GNA14: variants seen among roughly 807,000 people sequenced by gnomAD.
The protein encoded by GNA14 is guanine nucleotide-binding protein subunit alpha-14.
A neutral mutation model predicts 42.0 loss-of-function variants in GNA14; 50 were observed. The observed-to-expected ratio is 1.19, with a 90% CI of 0.95 to 1.51. The LOEUF (loss-of-function observed/expected upper bound fraction) is 1.51, where lower values mean the gene tolerates loss of function less well. GNA14 is among the 40% of genes most tolerant of loss of function. The pLI is 0.00. For missense variants in GNA14, 473 were observed against 446.2 expected (o/e 1.06, Z -0.54); for synonymous variants, 173 against 163.1 (o/e 1.06, Z -0.46).
At chr9:77,645,755 G>A (rs1320068121) in intron 1 of GNA14, among the ~76,000 whole-genome samples, 1 of 152,146 alleles carries the variant, frequency 6.6e-6, no homozygotes, top group African/African-American at 2.4e-5. Flanking sequence ...CAGCTCAGCT[G>A]ACTACACAAT....
intron 2 of GNA14, among the ~76,000 whole-genome samples, chr9:77,448,875 G>A (rs1004910139): frequency 6.6e-6 from 1 of 152,188 alleles, no homozygotes; most frequent in Non-Finnish European, 1.5e-5. Flanking sequence ...TAAAAAGCAA[G>A]AGAATCCCAC....
intron 1 of GNA14, among the ~76,000 whole-genome samples, chr9:77,621,868 C>T (rs1490229462): frequency 1.3e-5 from 2 of 152,138 alleles, no homozygotes; most frequent in African/African-American, 4.8e-5. Context: ...TTTTGATAGG[C>T]CTATTGTTTA....
chr9:77,469,353 GA>G (rs1467407289), intron 2 of GNA14, among the ~76,000 whole-genome samples: 1 of 122,786 alleles, frequency 8.1e-6, no homozygotes, highest in African/African-American at 3.5e-5. Context: ...TTAGTCCTAG[GA>G]TAAACTGTGT....
intron 1 of GNA14, among the ~76,000 whole-genome samples, chr9:77,587,710 A>G (rs1474578033): frequency 6.6e-6 from 1 of 152,148 alleles, no homozygotes; most frequent in Non-Finnish European, 1.5e-5. Context: ...TCCTAGATAG[A>G]GTGTTTGCAT....
intron 1 of GNA14, among the ~76,000 whole-genome samples, chr9:77,605,559 T>G (rs925907276): frequency 2.0e-5 from 3 of 152,158 alleles, no homozygotes; most frequent in Non-Finnish European, 1.5e-5. Context: ...AAAATGTGGT[T>G]CATTAACACA....
intron 2 of GNA14, among the ~76,000 whole-genome samples, chr9:77,471,270 G>A (rs1459838689): frequency 1.3e-5 from 2 of 152,176 alleles, no homozygotes; most frequent in South Asian, 2.1e-4. Context: ...GTAATGTGGA[G>A]CTACTGAGGT....
chr9:77,427,323 TTA>T (rs1835468833), intron 5 of GNA14, among the ~76,000 whole-genome samples: 1 of 91,552 alleles, frequency 1.1e-5, no homozygotes, highest in African/African-American at 4.4e-5. Context: ...TGTCTTGCCT[TTA>T]AAAAAAAAAA....
At position 77,508,062 on chromosome 9, in the gene GNA14, A is replaced by G. The variant is rs569462276; in HGVS notation, c.309+21007T>C. Among the ~76,000 whole-genome samples, 10 of 152,196 alleles carry G rather than the reference A, an allele frequency of 6.6e-5. 1 individual carries two copies. The South Asian group carries it at 1.5e-3, about 22-fold the overall frequency. On this transcript the variant is annotated intron_variant, in intron 2 of 6. Transcript: ENST00000341700. ...GGGTTTAGTCATGTGAAAGTTTTCA[A>G]TGTTGAAGAAACTCTCCACTACTCT...
At chr9:77,463,111 G>C (rs745929) in intron 2 of GNA14, among the ~76,000 whole-genome samples, 108,349 of 151,996 alleles carry the variant, frequency 0.71, 40,319 homozygotes, top group African/African-American at 0.93. Context: ...GAATGCGAAG[G>C]GCACCATTTC....
intron 1 of GNA14, among the ~76,000 whole-genome samples, chr9:77,537,147 A>G (rs948642421): frequency 6.6e-6 from 1 of 152,122 alleles, no homozygotes; most frequent in African/African-American, 2.4e-5. Context: ...TGGTCACTCT[A>G]CTTTGCTATC....
chr9:77,564,308 A>AC (rs145997420), intron 1 of GNA14, among the ~76,000 whole-genome samples: 21,673 of 150,972 alleles, frequency 0.14, 1,691 homozygotes, highest in Non-Finnish European at 0.19. Flanking sequence ...AAAAAAAAAA[A>AC]AAAAAACTTA....
At chr9:77,605,081 A>G (rs1823627628) in intron 1 of GNA14, among the ~76,000 whole-genome samples, 1 of 152,222 alleles carries the variant, frequency 6.6e-6, no homozygotes, top group African/African-American at 2.4e-5. Context: ...GTAACTTGGT[A>G]TTTAACCCTC....
At chr9:77,462,543 C>T (rs917549084) in intron 2 of GNA14, among the ~76,000 whole-genome samples, 1 of 152,144 alleles carries the variant, frequency 6.6e-6, no homozygotes, top group Admixed American at 6.5e-5. Flanking sequence ...ACTGGTGAAA[C>T]CCTATCTCTA....
rs574422303 is a variant in GNA14, at chr9:77,647,338, G to A, written c.124+332C>T. ...GTGGGTCACCACAGACCCCAAGCTGGGTGTGCTGCGGGCGGAGGAGTGGAC... is the reference window on the plus strand; with the variant it reads ...GTGGGTCACCACAGACCCCAAGCTGAGTGTGCTGCGGGCGGAGGAGTGGAC... On this transcript the variant is annotated intron_variant, in intron 1 of 6. Transcript: ENST00000341700. Among the ~76,000 whole-genome samples the A allele has an allele frequency of 2.0e-5, 3 of 152,322 alleles. No individual in the cohort carries two copies. In the East Asian group the frequency reaches 5.8e-4, roughly 29 times the overall value.
intron 2 of GNA14, among the ~76,000 whole-genome samples, chr9:77,468,815 C>A (rs1162433553): frequency 1.3e-5 from 2 of 152,186 alleles, no homozygotes; most frequent in Non-Finnish European, 2.9e-5. Context: ...CAGCCCTCAC[C>A]CCTCTGGCTG....
intron 1 of GNA14, among the ~76,000 whole-genome samples, chr9:77,599,452 T>G (rs1164987973): frequency 6.6e-6 from 1 of 152,018 alleles, no homozygotes; most frequent in African/African-American, 2.4e-5. Context: ...ACACAGAGGG[T>G]AGTAAATGAG....
chr9:77,582,838 G>A (rs1823245977), intron 1 of GNA14, among the ~76,000 whole-genome samples: 1 of 152,168 alleles, frequency 6.6e-6, no homozygotes, highest in African/African-American at 2.4e-5. Context: ...ATTGAGCTCT[G>A]TAAAGTCAAG....
chr9:77,567,600 C>A (rs982892665), intron 1 of GNA14, among the ~76,000 whole-genome samples: 1 of 152,206 alleles, frequency 6.6e-6, no homozygotes, highest in East Asian at 1.9e-4. Context: ...GGTGTGGTGG[C>A]TCACGCCTGT....
chr9:77,618,529 G>T (rs1436887791), intron 1 of GNA14, among the ~76,000 whole-genome samples: 1 of 130,254 alleles, frequency 7.7e-6, no homozygotes. Context: ...TGAATATAAG[G>T]TATCTCACTG....
Sources: allele counts gnomAD v4.1 joint callset (sites outside exome capture counted in the v4.1 genomes callset), GRCh38; gene constraint gnomAD v4.1.1; transcripts MANE v1.5; gene names NCBI Gene and HGNC (gene_info 2026-07-23, HGNC 2026-07-21).